Variants in ADK observed in about 807,000 individuals in gnomAD.
The protein encoded by ADK is N6,N6-dimethyladenosine kinase.
In ADK, 24 loss-of-function variants were observed where a neutral mutation model predicts 44.7. The observed-to-expected ratio is 0.54, with a 90% CI of 0.39 to 0.76. ADK has a LOEUF of 0.76. Among genes scored for constraint, ADK ranks in the 30% least tolerant of loss-of-function variants. ADK has a pLI of 0.00. For missense variants in ADK, 321 were observed against 425.1 expected (o/e 0.76, Z 2.15); for synonymous variants, 128 against 142.6 (o/e 0.90, Z 0.73).
At chr10:74,589,347 A>C (rs956564612) in intron 8 of ADK, 30 bp downstream of exon 8, 1 of 1,611,288 alleles carries the variant, frequency 6.2e-7, no homozygotes, top group Non-Finnish European at 8.5e-7. Flanking sequence ...CACACTAAAC[A>C]GATCCTAAAG....
At chr10:74,434,174 C>A (rs1252863023) in intron 6 of ADK, among the ~76,000 whole-genome samples, 1 of 151,584 alleles carries the variant, frequency 6.6e-6, no homozygotes, top group Non-Finnish European at 1.5e-5. Context: ...GGAATTCTTC[C>A]TAAATAGTGA....
intron 4 of ADK, among the ~76,000 whole-genome samples, chr10:74,320,022 G>A (rs900942156): frequency 6.6e-6 from 1 of 152,050 alleles, no homozygotes; most frequent in Non-Finnish European, 1.5e-5. Context: ...AGTGATAGTG[G>A]CATTTATATT....
intron 3 of ADK, among the ~76,000 whole-genome samples, chr10:74,306,298 ATCT>A (rs1054250483): frequency 6.6e-6 from 1 of 151,750 alleles, no homozygotes; most frequent in Non-Finnish European, 1.5e-5. Flanking sequence ...TTTTTATTTT[ATCT>A]TCTTTATCTT....
intron 6 of ADK, chr10:74,423,580 CTT>C (rs1844653555): frequency 3.9e-6 from 1 of 258,480 alleles, no homozygotes; most frequent in East Asian, 1.1e-4. Context: ...TCATTGCAGT[CTT>C]TACTGATGTC....
chr10:74,291,958 A>G (rs1468274732), intron 3 of ADK, among the ~76,000 whole-genome samples: 2 of 152,328 alleles, frequency 1.3e-5, no homozygotes, highest in East Asian at 3.9e-4. Context: ...CCTAGAGTTC[A>G]GATTTTAAAT....
intron 3 of ADK, among the ~76,000 whole-genome samples, chr10:74,269,988 A>C (rs921736531): frequency 1.3e-5 from 2 of 152,176 alleles, no homozygotes; most frequent in African/African-American, 4.8e-5. Flanking sequence ...ACACAGCCAG[A>C]CTTCATTTCA....
chr10:74,361,946 C>T (rs1011310516), intron 4 of ADK, among the ~76,000 whole-genome samples: 1 of 152,170 alleles, frequency 6.6e-6, no homozygotes, highest in Non-Finnish European at 1.5e-5. Flanking sequence ...ATTGGATCTT[C>T]CTTGCATGTT....
chr10:74,575,278 C>T (rs528788180), intron 7 of ADK, among the ~76,000 whole-genome samples: 1 of 152,118 alleles, frequency 6.6e-6, no homozygotes, highest in South Asian at 2.1e-4. Flanking sequence ...AAAAGAGTTT[C>T]TGCACCAAGA....
chr10:74,702,524 T>TTTCCTTCC (rs59918097), intron 10 of ADK, among the ~76,000 whole-genome samples: 16,113 of 120,750 alleles, frequency 0.13, 1,373 homozygotes, highest in Admixed American at 0.2. Context: ...TCCTTCCTTC[T>TTTCCTTCC]TTCCTTCCTT....
rs141012904 is a variant in ADK, at chr10:74,527,566, A to G, written c.726+2140A>G. 370 of 749,784 alleles carry G rather than the reference A, an allele frequency of 4.9e-4. No individual in the cohort carries two copies. The African/African-American group carries it at 5.2e-3, about 10-fold the overall frequency. The allele number at this position is 749,784 out of a possible 1,614,324, so 46.4% of individuals were successfully genotyped here. On this transcript the variant is annotated intron_variant, in intron 7 of 10. Coordinates refer to ENST00000539909, the MANE Select transcript of ADK (RefSeq NM_006721.4). ...CAGAAAACTCTTTAATAAGAGCTCA[A>G]ATTTGGAGGATAACGAGATAGCTGC...
chr10:74,572,791 G>A lies in ADK; in HGVS notation c.727-16491G>A, dbSNP rs1335158721. Among the ~76,000 whole-genome samples the A allele has an allele frequency of 8.6e-5, 13 of 152,004 alleles. No individual in the cohort carries two copies. The East Asian group carries it at 1.9e-3, about 23-fold the overall frequency. Reference sequence around the variant, plus strand: ...CTGATACCCTTTCTTCCAGTTGATCGAATCGGCTCCTGAGGCTTCTGCATT... The same window carrying A: ...CTGATACCCTTTCTTCCAGTTGATCAAATCGGCTCCTGAGGCTTCTGCATT... On this transcript the variant is annotated intron_variant, in intron 7 of 10. Transcript: ENST00000539909.
intron 9 of ADK, among the ~76,000 whole-genome samples, chr10:74,663,233 T>TC (rs913093678): frequency 1.7e-5 from 1 of 59,760 alleles, no homozygotes; most frequent in African/African-American, 8.3e-5. Context: ...AGATGCTATC[T>TC]CAAAAAAAAA....
intron 7 of ADK, among the ~76,000 whole-genome samples, chr10:74,573,038 G>A (rs1190614238): frequency 6.6e-6 from 1 of 152,194 alleles, no homozygotes; most frequent in East Asian, 1.9e-4. Flanking sequence ...TTGTTCCGTT[G>A]CTGCTGAGGA....
intron 3 of ADK, among the ~76,000 whole-genome samples, chr10:74,281,823 T>C (rs1846949629): frequency 6.6e-6 from 1 of 152,264 alleles, no homozygotes; most frequent in South Asian, 2.1e-4. Context: ...ATTTTCTTTT[T>C]AAAAAATTAT....
At chr10:74,515,852 G>T (rs558131492) in intron 6 of ADK, among the ~76,000 whole-genome samples, 1 of 152,138 alleles carries the variant, frequency 6.6e-6, no homozygotes, top group Non-Finnish European at 1.5e-5. Context: ...TTTTCTTGCT[G>T]TGCAAGACCA....
chr10:74,486,130 C>A (rs1278017177), intron 6 of ADK, among the ~76,000 whole-genome samples: 1 of 152,010 alleles, frequency 6.6e-6, no homozygotes, highest in Admixed American at 6.6e-5. Context: ...ATCATGGGGG[C>A]GGTATCCTTC....
chr10:74,300,052 CTTT>C (rs772490556), intron 3 of ADK, among the ~76,000 whole-genome samples: 1 of 140,260 alleles, frequency 7.1e-6, no homozygotes, highest in African/African-American at 2.6e-5. Context: ...TCTTCGTCTT[CTTT>C]TTTTTTTTTT....
intron 1 of ADK, among the ~76,000 whole-genome samples, chr10:74,198,942 A>G (rs1392735180): frequency 6.6e-6 from 1 of 152,252 alleles, no homozygotes; most frequent in Non-Finnish European, 1.5e-5. Context: ...AGACATGAAT[A>G]TAAGAAGTAT....
intron 6 of ADK, among the ~76,000 whole-genome samples, chr10:74,399,497 C>T (rs1843636843): frequency 6.6e-6 from 1 of 151,652 alleles, no homozygotes; most frequent in Non-Finnish European, 1.5e-5. Flanking sequence ...TATACCAAAT[C>T]CTATCCCTTT....
Sources: allele counts gnomAD v4.1 joint callset (sites outside exome capture counted in the v4.1 genomes callset), GRCh38; gene constraint gnomAD v4.1.1; transcripts MANE v1.5; gene names NCBI Gene and HGNC (gene_info 2026-07-23, HGNC 2026-07-21).